ATP6V0A2: variants seen among roughly 807,000 people sequenced by gnomAD.
ATP6V0A2 encodes ATPase H+ transporting V0 subunit a2, also known as V-type proton ATPase 116 kDa subunit a 2.
Under a neutral mutation model 104.4 loss-of-function variants are expected in ATP6V0A2, and 58 were observed. The ratio of observed to expected loss-of-function variants is 0.56; its 90% CI spans 0.45 to 0.69. The LOEUF (loss-of-function observed/expected upper bound fraction) is 0.69. Ranked by LOEUF, ATP6V0A2 falls within the 30% of genes least tolerant of loss-of-function variation. The probability of loss-of-function intolerance (pLI) is 0.00; values close to 1 mark genes in which losing one functional copy is unlikely to be tolerated. For missense variants in ATP6V0A2, 938 were observed against 1,062.9 expected, an observed-to-expected ratio of 0.88 and a Z score of 1.63; for synonymous variants, 376 against 397.9, an observed-to-expected ratio of 0.95 and a Z score of 0.65.
Position 123,744,655 on chromosome 12 carries a change from T to G in ATP6V0A2, c.1385T>G (p.Val462Gly). 1 of 1,613,938 alleles carries G rather than the reference T, an allele frequency of 6.2e-7. No homozygotes were observed. Among genetic ancestry groups the G allele is most frequent in the Non-Finnish European group, 8.5e-7 (1 of 1,180,018 alleles). The stretch of plus-strand genomic sequence containing the variant: ...CTCCTGCTGATGGGGCTGTTCTCAG[T>G]GTACACTGGCCTCATCTACAACGAC... Reference protein sequence around the residue: ...YILLLMGLFSVYTGLIYNDCF... With the variant: ...YILLLMGLFSGYTGLIYNDCF... The change falls in exon 12 of 20, where the codon GTG (valine) becomes GGG (glycine). Residue 462 changes from valine to glycine, a missense_variant. Transcript: ENST00000330342. The surrounding 1 kb of genome is among the most constrained non-coding windows in gnomAD (Gnocchi z 5.4).
At chr12:123,747,488 GA>G in intron 13 of ATP6V0A2, 118 bp from the exon 14 acceptor site, 2 of 773,568 alleles carry the variant, frequency 2.6e-6, no homozygotes, top group Non-Finnish European at 4.7e-6. Flanking sequence ...AGAAAAGCCT[GA>G]ATATTGTTTC....
rs780455437 is a variant in ATP6V0A2 at position 123,727,837 on chromosome 12, G to T, written c.576G>T (p.Leu192Phe). The change falls in exon 6 of 20, where the codon TTG (leucine) becomes TTT (phenylalanine). Residue 192 changes from leucine (L) to phenylalanine (F), a missense_variant. By Grantham distance (22) the Leu-to-Phe change is conservative (BLOSUM62 0). Coordinates refer to ENST00000330342, the MANE Select transcript of ATP6V0A2 (RefSeq NM_012463.4). The part of the protein sequence containing the change: ...QGKVEAFEKM[L>F]WRVCKGYTIV... ...AAGTGGAAGCATTTGAAAAAATGTTGTGGAGAGTCTGCAAAGGGTACACCA... is the reference window on the plus strand; with the variant it reads ...AAGTGGAAGCATTTGAAAAAATGTTTTGGAGAGTCTGCAAAGGGTACACCA... 1 of 1,614,092 alleles carries T rather than the reference G, an allele frequency of 6.2e-7. No individual in the cohort carries two copies. The highest frequency in any genetic ancestry group is 8.5e-7 in the Non-Finnish European group (1 of 1,180,042).
At position 123,743,925 on chromosome 12, in the gene ATP6V0A2, A is replaced by G; in HGVS notation, c.1179A>G (p.Glu393=). 2.5e-6 allele frequency: 4 copies of G among 1,614,218 alleles called. No individual in the cohort carries two copies. The highest frequency in any genetic ancestry group is 1.3e-5 in the African/African-American group (1 of 75,050). The stretch of plus-strand genomic sequence containing the variant: ...CTTATGGAGTCGGAAGCTACAGAGA[A>G]GTCAATCCAGGTTGGAAGTCTGATT... ...VDAYGVGSYR[E]VNPALFTIIT... is the part of the protein sequence containing the mutation. Residue 393 remains glutamate (E), a synonymous_variant, in exon 10 of 20, where the codon GAA becomes GAG. Transcript: ENST00000330342.
At chr12:123,727,520 AC>A (rs1484703378) in intron 5 of ATP6V0A2, among the ~76,000 whole-genome samples, 1 of 151,588 alleles carries the variant, frequency 6.6e-6, no homozygotes, top group Non-Finnish European at 1.5e-5. Flanking sequence ...CTTGTGATCC[AC>A]CCGCCTCGGC....
chr12:123,726,300 C>G lies in ATP6V0A2; in HGVS notation c.521+15C>G, dbSNP rs1296010079. ...GCAAAACTGGGGTAGGTGACAAGGC[C>G]TGGGGTGTCAGGCTTCATACTGCCC... is the stretch of plus-strand genomic sequence containing the variant. On this transcript the variant is annotated intron_variant, in intron 5 of 19. Coordinates refer to ENST00000330342, the MANE Select transcript of ATP6V0A2 (RefSeq NM_012463.4). 1 of 1,599,794 alleles carries G rather than the reference C, an allele frequency of 6.3e-7. No homozygotes were observed. Among genetic ancestry groups the G allele is most frequent in the African/African-American group, 1.3e-5 (1 of 74,572 alleles).
Position 123,758,028 on chromosome 12 carries a change from C to T in ATP6V0A2, c.2567C>T (p.Ala856Val). The T allele has an allele frequency of 6.2e-7, 1 of 1,603,506 alleles. No homozygotes were observed. Among genetic ancestry groups the T allele is most frequent in the Non-Finnish European group, 8.5e-7 (1 of 1,170,694 alleles). ...SSKFNNDDSV[A>V] ...AAGTTCAATAACGACGACAGTGTGG[C>T]ATGATCATATTGCTGTAACCAACAA... The change falls in exon 20 of 20, where the codon GCA (alanine) becomes GTA (valine). Residue 856 changes from alanine (A) to valine (V), a missense_variant. Physicochemically the swap from Ala to Val is moderately conservative, Grantham distance 64 (BLOSUM62 0). Transcript: ENST00000330342.
At position 123,752,326 on chromosome 12, in the gene ATP6V0A2, C is replaced by T. The variant is rs1956723762; in HGVS notation, c.2099C>T (p.Ser700Leu). 1.2e-6 allele frequency: 2 copies of T among 1,614,140 alleles called. No homozygotes were observed. Among genetic ancestry groups the T allele is most frequent in the Non-Finnish European group, 1.7e-6 (2 of 1,180,008 alleles). ...AGGAAAGATAGTGAGGAAGAAGTTT[C>T]ATTGCTGGGAAGCCAAGATATAGAA... ...LIRKDSEEEV[S>L]LLGSQDIEEG... Residue 700 changes from serine (S) to leucine (L), a missense_variant, in exon 17 of 20, where the codon TCA becomes TTA. Coordinates refer to ENST00000330342, the MANE Select transcript of ATP6V0A2 (RefSeq NM_012463.4).
intron 6 of ATP6V0A2, chr12:123,733,444 C>A (rs2135897468): frequency 6.4e-6 from 1 of 155,452 alleles, no homozygotes; most frequent in East Asian, 1.9e-4. Flanking sequence ...GTGACTCGAG[C>A]CCGAACGAAG....
At chr12:123,754,685 C>T (rs1956747050) in intron 18 of ATP6V0A2, 148 bp downstream of exon 18, 1 of 661,172 alleles carries the variant, frequency 1.5e-6, no homozygotes, top group African/African-American at 1.8e-5. Context: ...CTACTTAATA[C>T]ACAGCTCTCT....
At chr12:123,751,326 C>A in intron 16 of ATP6V0A2, 97 bp downstream of exon 16, 1 of 1,573,738 alleles carries the variant, frequency 6.4e-7, no homozygotes, top group Non-Finnish European at 8.7e-7. Flanking sequence ...GGGTCCCTGT[C>A]TCTTGATTTA....
chr12:123,756,607 G>C, intron 18 of ATP6V0A2: 2 of 585,266 alleles, frequency 3.4e-6, no homozygotes, highest in South Asian at 2.2e-5. Context: ...GATATTTTTG[G>C]AGCACCAGGT....
At chr12:123,735,507 C>A in intron 7 of ATP6V0A2, 24 bp from the exon 8 acceptor site, 1 of 1,601,078 alleles carries the variant, frequency 6.2e-7, no homozygotes, top group Non-Finnish European at 8.6e-7. Context: ...AGATGTGAGA[C>A]TGTGTTCAAC....
chr12:123,757,669 C>T (rs966882220), intron 19 of ATP6V0A2, among the ~76,000 whole-genome samples: 8 of 152,056 alleles, frequency 5.3e-5, no homozygotes, highest in Admixed American at 3.9e-4. Flanking sequence ...GAGAGGGTCT[C>T]GTTACTTGTG....
intron 6 of ATP6V0A2, among the ~76,000 whole-genome samples, chr12:123,730,044 CTTTTTTTTTTT>C (rs776847603): frequency 4.0e-4 from 28 of 70,306 alleles, no homozygotes; most frequent in African/African-American, 1.4e-3. Flanking sequence ...GGAGTTAGGT[CTTTTTTTTTTT>C]TTTTTTTTTT....
intron 13 of ATP6V0A2, among the ~76,000 whole-genome samples, chr12:123,745,580 C>T (rs1956654003): frequency 6.6e-6 from 1 of 152,114 alleles, no homozygotes; most frequent in Non-Finnish European, 1.5e-5. Context: ...GTGGCTGGCG[C>T]CTGTAGTCCC....
chr12:123,735,157 G>C (rs1593900793), intron 7 of ATP6V0A2, among the ~76,000 whole-genome samples: 2 of 151,076 alleles, frequency 1.3e-5, no homozygotes, highest in South Asian at 4.2e-4. Flanking sequence ...GTGTGTGTGT[G>C]TGTGTGTGTC....
At chr12:123,718,279 G>A (rs1289439048) in intron 1 of ATP6V0A2, among the ~76,000 whole-genome samples, 1 of 151,898 alleles carries the variant, frequency 6.6e-6, no homozygotes, top group Admixed American at 6.6e-5. Context: ...TCGTAGAGGT[G>A]GGATTTCACC....
At chr12:123,737,306 AAG>A in intron 9 of ATP6V0A2, 35 bp downstream of exon 9, 2 of 1,596,400 alleles carry the variant, frequency 1.3e-6, no homozygotes, top group Non-Finnish European at 1.7e-6. Flanking sequence ...CCAGGAACAG[AAG>A]AGAGACTGAT....
intron 17 of ATP6V0A2, chr12:123,754,192 T>G: frequency 1.7e-6 from 1 of 605,998 alleles, no homozygotes; most frequent in African/African-American, 1.8e-5. Flanking sequence ...GGAGTGGGGC[T>G]GATGAAGGTG....
Sources: gnomAD v4.1 joint callset for allele counts (sites outside exome capture counted in the v4.1 genomes callset) on GRCh38, gnomAD v4.1.1 for gene constraint, Gnocchi (gnomAD v3.1) non-coding constraint, MANE v1.5 for transcripts, NCBI Gene and HGNC (gene_info 2026-07-23, HGNC 2026-07-21) for gene names.